CADM2: variants seen among roughly 807,000 people sequenced by gnomAD.
CADM2 encodes cell adhesion molecule 2.
In CADM2, 12 loss-of-function variants were observed where a neutral mutation model predicts 49.8. The observed-to-expected ratio is 0.24, with a 90% CI of 0.15 to 0.39. CADM2 has a LOEUF of 0.39. CADM2 is among the 10% of genes least tolerant of loss of function. CADM2 has a pLI of 1.00. For synonymous variants in CADM2, 214 were observed against 175.4 expected (o/e 1.22, Z -1.74); for missense variants, 378 against 492.3 (o/e 0.77, Z 2.20).
chr3:84,972,343 C>G (rs1235149644), intron 1 of CADM2, among the ~76,000 whole-genome samples: 1 of 152,136 alleles, frequency 6.6e-6, no homozygotes, highest in Non-Finnish European at 1.5e-5. Context: ...AATAGCATTT[C>G]CTAAAATTTA....
At chr3:85,059,405 T>C (rs955196239) in intron 1 of CADM2, among the ~76,000 whole-genome samples, 6 of 152,154 alleles carry the variant, frequency 3.9e-5, no homozygotes, top group Non-Finnish European at 7.4e-5. Context: ...ATGATTAATT[T>C]TTGTGTGATT....
chr3:85,097,081 G>C (rs1291487159), intron 1 of CADM2, among the ~76,000 whole-genome samples: 1 of 152,094 alleles, frequency 6.6e-6, no homozygotes, highest in Non-Finnish European at 1.5e-5. Flanking sequence ...CATGTGCCAT[G>C]TTGGTGTGCT....
At chr3:85,860,241 A>G (rs1167838485) in intron 3 of CADM2, among the ~76,000 whole-genome samples, 1 of 152,164 alleles carries the variant, frequency 6.6e-6, no homozygotes, top group Admixed American at 6.6e-5. Context: ...ATTTTGTGCC[A>G]CACACTCTTA....
intron 3 of CADM2, among the ~76,000 whole-genome samples, chr3:85,857,811 A>G (rs2075373685): frequency 6.6e-6 from 1 of 152,202 alleles, no homozygotes; most frequent in African/African-American, 2.4e-5. Context: ...ATTTAATTGA[A>G]TTGAATTTTT....
chr3:85,426,138 T>G (rs2107509217), intron 1 of CADM2, among the ~76,000 whole-genome samples: 1 of 152,092 alleles, frequency 6.6e-6, no homozygotes, highest in South Asian at 2.1e-4. Flanking sequence ...TATCTTTTTT[T>G]TTTTCTTTTT....
chr3:85,267,823 C>T (rs1360621509), intron 1 of CADM2, among the ~76,000 whole-genome samples: 1 of 151,502 alleles, frequency 6.6e-6, no homozygotes, highest in Non-Finnish European at 1.5e-5. Flanking sequence ...AAAATATTTT[C>T]TTGGAAATAG....
chr3:85,977,013 C>G (rs1726868146), intron 8 of CADM2, among the ~76,000 whole-genome samples: 2 of 151,026 alleles, frequency 1.3e-5, no homozygotes, highest in Admixed American at 6.6e-5. Flanking sequence ...AAGAATGCTC[C>G]TAGTACTTGA....
At chr3:85,357,609 G>T (rs955684428) in intron 1 of CADM2, among the ~76,000 whole-genome samples, 1 of 151,884 alleles carries the variant, frequency 6.6e-6, no homozygotes, top group Non-Finnish European at 1.5e-5. Flanking sequence ...CTGATAAATG[G>T]CAAAATTAGA....
intron 2 of CADM2, among the ~76,000 whole-genome samples, chr3:85,792,951 G>C (rs1012945237): frequency 6.6e-6 from 1 of 152,028 alleles, no homozygotes; most frequent in Non-Finnish European, 1.5e-5. Flanking sequence ...GTGATAGTGT[G>C]CTGGATTCTT....
At chr3:86,014,819 C>A in intron 8 of CADM2, 1 of 1,487,950 alleles carries the variant, frequency 6.7e-7, no homozygotes, top group Non-Finnish European at 9.0e-7. Flanking sequence ...TTCCATCCAC[C>A]ATCTATGAAG....
intron 1 of CADM2, among the ~76,000 whole-genome samples, chr3:85,674,368 G>A (rs368223014): frequency 2.6e-4 from 39 of 152,088 alleles, no homozygotes; most frequent in African/African-American, 9.4e-4. Context: ...TTTGTGTTCT[G>A]ACTGTCTAAA....
intron 1 of CADM2, among the ~76,000 whole-genome samples, chr3:85,085,947 C>T (rs1009534106): frequency 2.0e-5 from 3 of 152,058 alleles, no homozygotes; most frequent in African/African-American, 7.2e-5. Flanking sequence ...TGATTGCAAA[C>T]AAGAGTTAAA....
At chr3:85,224,265 G>A (rs2042102886) in intron 1 of CADM2, among the ~76,000 whole-genome samples, 1 of 152,098 alleles carries the variant, frequency 6.6e-6, no homozygotes, top group Non-Finnish European at 1.5e-5. Flanking sequence ...TCCAACATCT[G>A]TCGTTTCCTG....
intron 8 of CADM2, among the ~76,000 whole-genome samples, chr3:85,975,498 C>T (rs906291228): frequency 2.6e-5 from 4 of 151,220 alleles, no homozygotes; most frequent in East Asian, 1.9e-4. Context: ...CTAATTTCTC[C>T]GATCAGCTCT....
chr3:85,385,102 T>G (rs1215010831), intron 1 of CADM2, among the ~76,000 whole-genome samples: 1 of 151,920 alleles, frequency 6.6e-6, no homozygotes, highest in Non-Finnish European at 1.5e-5. Context: ...CACCTGCTAA[T>G]TTTTGTATAT....
At chr3:84,977,740 T>C (rs2031916352) in intron 1 of CADM2, among the ~76,000 whole-genome samples, 1 of 152,094 alleles carries the variant, frequency 6.6e-6, no homozygotes, top group Admixed American at 6.6e-5. Context: ...AACAGAATAG[T>C]TCTTAAAAAC....
intron 1 of CADM2, among the ~76,000 whole-genome samples, chr3:85,052,703 C>G (rs546510158): frequency 6.6e-6 from 1 of 152,110 alleles, no homozygotes; most frequent in East Asian, 1.9e-4. Flanking sequence ...CAATCGTTCC[C>G]TTGAATTCCT....
At chr3:85,637,139 C>T (rs1344754016) in intron 1 of CADM2, among the ~76,000 whole-genome samples, 3 of 151,930 alleles carry the variant, frequency 2.0e-5, no homozygotes, top group African/African-American at 7.3e-5. Context: ...TAAATTGAAA[C>T]ATGCATATAT....
intron 7 of CADM2, among the ~76,000 whole-genome samples, chr3:85,956,800 A>G (rs1724117838): frequency 6.6e-6 from 1 of 151,618 alleles, no homozygotes; most frequent in African/African-American, 2.4e-5. Context: ...TTGCTTTAAG[A>G]TGAGACAAAA....
Sources: allele counts gnomAD v4.1 joint callset (sites outside exome capture counted in the v4.1 genomes callset), GRCh38; gene constraint gnomAD v4.1.1; transcripts MANE v1.5; gene names NCBI Gene and HGNC (gene_info 2026-07-23, HGNC 2026-07-21).